Variants in DNAAF4 observed in about 807,000 individuals in gnomAD.
The protein encoded by DNAAF4 is dynein assembly factor 4, axonemal.
DNAAF4 carries 43 observed loss-of-function variants against 51.8 expected under a neutral mutation model. The ratio of observed to expected loss-of-function variants is 0.83; its 90% CI spans 0.65 to 1.07. The LOEUF is 1.07. Among genes scored for constraint, DNAAF4 ranks in the 50% least tolerant of loss-of-function variants. The probability of loss-of-function intolerance (pLI) is 0.00; values close to 1 mark genes in which losing one functional copy is unlikely to be tolerated. For synonymous variants in DNAAF4, 194 were observed against 165.6 expected (o/e 1.17, Z -1.32); for missense variants, 581 against 493.0 (o/e 1.18, Z -1.69).
intron 7 of DNAAF4, among the ~76,000 whole-genome samples, chr15:55,438,944 TC>T (rs1268192156): frequency 6.6e-6 from 1 of 152,194 alleles, no homozygotes; most frequent in East Asian, 1.9e-4. Flanking sequence ...GTAATTTTTT[TC>T]ATTTTTATGA....
chr15:55,430,616 C>A lies in DNAAF4; in HGVS notation c.*54G>T. 6.3e-7 allele frequency: 1 copy of A among 1,576,252 alleles called. No individual in the cohort carries two copies. Among genetic ancestry groups the A allele is most frequent in the Non-Finnish European group, 8.6e-7 (1 of 1,162,192 alleles). ...ACTGGCCATAATATGTACAAAGATG[C>A]CTCCAGTTGTTTTTAAAAAACTTAT... On this transcript the variant is annotated 3_prime_UTR_variant, in exon 10 of 10. Transcript: ENST00000321149.
chr15:55,482,485 T>C (rs1327476043), intron 4 of DNAAF4, among the ~76,000 whole-genome samples: 4 of 152,000 alleles, frequency 2.6e-5, no homozygotes, highest in Non-Finnish European at 5.9e-5. Context: ...GAGACCAGCC[T>C]GGCTAACATG....
rs988084187 is a variant in DNAAF4 at position 55,432,429 on chromosome 15, A to G, written c.1153+68T>C. 10 of 1,316,342 alleles carry G rather than the reference A, an allele frequency of 7.6e-6. No homozygotes were observed. In the African/African-American group the frequency reaches 1.5e-4, roughly 19 times the overall value. The allele number at this position is 1,316,342 out of a possible 1,614,324, so 81.5% of individuals were successfully genotyped here. A position where few individuals can be genotyped will look rare whatever the true frequency, so the allele number is the denominator to read the frequency against. ...TGGAGTCCTTAAAAGTCACGATCTT[A>G]AATAATTCCAATGACATTTTTTTCA... On this transcript the variant is annotated intron_variant, in intron 9 of 9. Coordinates refer to ENST00000321149, the MANE Select transcript of DNAAF4 (RefSeq NM_130810.4).
intron 4 of DNAAF4, among the ~76,000 whole-genome samples, chr15:55,473,337 GTATA>G (rs1360002273): frequency 5.1e-5 from 7 of 136,272 alleles, no homozygotes; most frequent in South Asian, 4.7e-4. Context: ...ATATATGTGT[GTATA>G]TATATGTGTG....
chr15:55,479,932 T>C (rs867796796), intron 4 of DNAAF4, among the ~76,000 whole-genome samples: 1 of 152,190 alleles, frequency 6.6e-6, no homozygotes, highest in Non-Finnish European at 1.5e-5. Flanking sequence ...CAAGATAATA[T>C]GTGCACTGCT....
At chr15:55,483,926 T>C (rs989518214) in intron 4 of DNAAF4, among the ~76,000 whole-genome samples, 4 of 130,420 alleles carry the variant, frequency 3.1e-5, no homozygotes, top group African/African-American at 1.2e-4. Flanking sequence ...CAAGCAAGAA[T>C]AAATGTTATA....
At chr15:55,455,256 G>A (rs1418670448) in intron 5 of DNAAF4, among the ~76,000 whole-genome samples, 6 of 149,318 alleles carry the variant, frequency 4.0e-5, no homozygotes, top group Admixed American at 2.0e-4. Context: ...AAAGAAAAAC[G>A]CTCTATAGTA....
rs772138945 is a variant in DNAAF4, at chr15:55,439,618, G to T, written c.784-37C>A. On this transcript the variant is annotated intron_variant, in intron 6 of 9. Transcript: ENST00000321149. ...AAGAAGTCTTATGAAGAATAAAAAGGTCTTTTTTTAATTAACATTTCCTTT... is the reference window on the plus strand; with the variant it reads ...AAGAAGTCTTATGAAGAATAAAAAGTTCTTTTTTTAATTAACATTTCCTTT... The T allele has an allele frequency of 7.7e-6, 12 of 1,560,866 alleles. No homozygotes were observed. In the Admixed American group the frequency reaches 9.3e-5, roughly 12 times the overall value.
At chr15:55,481,386 A>C (rs1475255500) in intron 4 of DNAAF4, among the ~76,000 whole-genome samples, 1 of 152,170 alleles carries the variant, frequency 6.6e-6, no homozygotes, top group Non-Finnish European at 1.5e-5. Context: ...GCTGGGTTTC[A>C]TGGCTCCTTC....
At chr15:55,498,143 T>C (rs937624418) in intron 2 of DNAAF4, 64 bp downstream of exon 2, 2 of 1,609,396 alleles carry the variant, frequency 1.2e-6, no homozygotes, top group Non-Finnish European at 1.7e-6. Flanking sequence ...CGTGCCCAGC[T>C]GCGCTCTTGC....
chr15:55,490,885 T>C (rs576727789), intron 4 of DNAAF4: 3 of 323,756 alleles, frequency 9.3e-6, no homozygotes, highest in African/African-American at 6.4e-5. Context: ...ACCCGGGAAG[T>C]GGAGCTTGCA....
intron 4 of DNAAF4, among the ~76,000 whole-genome samples, chr15:55,480,335 C>T (rs572065529): frequency 6.6e-6 from 1 of 152,060 alleles, no homozygotes; most frequent in Non-Finnish European, 1.5e-5. Context: ...GGTGGGATCC[C>T]CCGATACCCA....
chr15:55,473,311 G>GTA lies in DNAAF4; in HGVS notation c.406-6152_406-6151dup, dbSNP rs760541427. On this transcript the variant is annotated intron_variant, in intron 4 of 9. Transcript: ENST00000321149. The stretch of plus-strand genomic sequence containing the variant: ...TATATATATGTGTATATATATGTGT[G>GTA]TATATATGTGTGTATATATATGTGT... 6.0e-3 allele frequency among the ~76,000 whole-genome samples: 210 copies of GTA among 35,010 alleles called. 3 individuals carry two copies. Among genetic ancestry groups the GTA allele is most frequent in the Admixed American group, 0.018 (48 of 2,658 alleles). The allele number at this position is 35,010 out of a possible 152,430, so 23.0% of individuals were successfully genotyped here.
chr15:55,502,723 A>G (rs922839607), intron 1 of DNAAF4, among the ~76,000 whole-genome samples: 7 of 152,354 alleles, frequency 4.6e-5, no homozygotes, highest in Middle Eastern at 3.4e-3. Context: ...ATTTGAAACC[A>G]GTAAGAACAA....
At chr15:55,503,003 A>T (rs2058707576) in intron 1 of DNAAF4, among the ~76,000 whole-genome samples, 1 of 152,188 alleles carries the variant, frequency 6.6e-6, no homozygotes, top group Admixed American at 6.5e-5. Flanking sequence ...TTTTGAAAAG[A>T]TCAACAAAAT....
At chr15:55,451,165 G>C (rs912411892) in intron 5 of DNAAF4, among the ~76,000 whole-genome samples, 21 of 152,294 alleles carry the variant, frequency 1.4e-4, no homozygotes, top group African/African-American at 5.1e-4. Context: ...GGCAAGGGGG[G>C]AAGGAGCGCT....
intron 1 of DNAAF4, among the ~76,000 whole-genome samples, chr15:55,505,911 TATA>T (rs1226084390): frequency 6.6e-6 from 1 of 152,102 alleles, no homozygotes; most frequent in Non-Finnish European, 1.5e-5. Flanking sequence ...GAACTTAGAG[TATA>T]ATAATAAAAA....
At chr15:55,432,960 AAAAC>A (rs1427268617) in intron 8 of DNAAF4, among the ~76,000 whole-genome samples, 1 of 151,560 alleles carries the variant, frequency 6.6e-6, no homozygotes, top group South Asian at 2.1e-4. Flanking sequence ...AAAAAAAACA[AAAAC>A]AAAAAACAAA....
chr15:55,493,892 T>C (rs2058605342), intron 3 of DNAAF4, among the ~76,000 whole-genome samples: 1 of 146,308 alleles, frequency 6.8e-6, no homozygotes, highest in African/African-American at 2.5e-5. Context: ...TTAATAGAGG[T>C]GAAGTCTCCC....
Sources: gnomAD v4.1 joint callset for allele counts (sites outside exome capture counted in the v4.1 genomes callset) on GRCh38, gnomAD v4.1.1 for gene constraint, MANE v1.5 for transcripts, NCBI Gene and HGNC (gene_info 2026-07-23, HGNC 2026-07-21) for gene names.